ATG7: variants seen among roughly 807,000 people sequenced by gnomAD.
The protein encoded by ATG7 is autophagy related 7.
In ATG7, 70 loss-of-function variants were observed where a neutral mutation model predicts 82.4. The observed-to-expected ratio is 0.85, with a 90% CI of 0.70 to 1.04. The LOEUF is 1.04. ATG7 is among the 50% of genes least tolerant of loss of function. ATG7 has a pLI of 0.00. For missense variants in ATG7, 792 were observed against 864.3 expected (o/e 0.92, Z 1.05); for synonymous variants, 287 against 313.0 (o/e 0.92, Z 0.88).
intron 20 of ATG7, among the ~76,000 whole-genome samples, chr3:11,475,909 C>CA (rs1479988312): frequency 0.12 from 12,208 of 104,420 alleles, 807 homozygotes; most frequent in Admixed American, 0.25. Flanking sequence ...ACACACACAC[C>CA]CCCTCCCAGA....
At chr3:11,337,493 T>A (rs961681649) in intron 11 of ATG7, among the ~76,000 whole-genome samples, 26 of 140,774 alleles carry the variant, frequency 1.8e-4, no homozygotes, top group Admixed American at 2.7e-4. Context: ...TCTCTCTATA[T>A]ATATATATAT....
chr3:11,558,323 A>G (rs1416074511), downstream of ATG7: 2 of 675,010 alleles, frequency 3.0e-6, no homozygotes, highest in Non-Finnish European at 2.4e-6. Flanking sequence ...AGGATGCTAC[A>G]TTAGACAGAT....
At chr3:11,325,675 A>G (rs1950777344) in intron 9 of ATG7, among the ~76,000 whole-genome samples, 1 of 152,126 alleles carries the variant, frequency 6.6e-6, no homozygotes, top group South Asian at 2.1e-4. Flanking sequence ...ACATCTCAAA[A>G]AAAAAAAAAA....
rs1941436189 is a variant in ATG7, at chr3:11,275,161, TC to T, written c.-366+2732del. On this transcript the variant is annotated intron_variant, in intron 1 of 20. Coordinates refer to ENST00000693202, the MANE Select transcript of ATG7 (RefSeq NM_001349232.2). ...ATGAAACAGAAGAAGGGGACAAGAA[TC>T]AGGATCCTGATGACGGGAGGGCAGA... Among the ~76,000 whole-genome samples the T allele has an allele frequency of 2.0e-5, 3 of 152,208 alleles. No homozygotes were observed. The South Asian group carries it at 6.2e-4, about 32-fold the overall frequency.
intron 20 of ATG7, among the ~76,000 whole-genome samples, chr3:11,554,172 A>G (rs1288508642): frequency 6.6e-6 from 1 of 152,204 alleles, no homozygotes; most frequent in Non-Finnish European, 1.5e-5. Flanking sequence ...CCTGCTCCCC[A>G]GGTTCACTGC....
At chr3:11,382,442 C>T (rs1027582701) in intron 19 of ATG7, among the ~76,000 whole-genome samples, 9 of 152,086 alleles carry the variant, frequency 5.9e-5, no homozygotes, top group East Asian at 1.9e-4. Flanking sequence ...TGGCACATAA[C>T]GAGGTGAATT....
At chr3:11,364,844 C>T in intron 18 of ATG7, 110 bp downstream of exon 18, 1 of 1,149,338 alleles carries the variant, frequency 8.7e-7, no homozygotes, top group Non-Finnish European at 1.3e-6. Flanking sequence ...CCTACTTACC[C>T]TGCAGCTGGG....
At chr3:11,565,839 C>G in the ATG7 span, among the ~76,000 whole-genome samples, 2 of 152,216 alleles carry the variant, frequency 1.3e-5, no homozygotes, top group Non-Finnish European at 2.9e-5. The surrounding 1 kb of genome is among the most constrained non-coding windows in gnomAD (Gnocchi z 4.1). Context: ...CAACCCCACA[C>G]AGGTAAGCCA....
At chr3:11,284,877 T>C (rs1425121093) in intron 3 of ATG7, among the ~76,000 whole-genome samples, 6 of 150,206 alleles carry the variant, frequency 4.0e-5, no homozygotes, top group Non-Finnish European at 3.0e-5. Context: ...GACGGAGTCT[T>C]GCTCTGTCGC....
chr3:11,307,150 A>G (rs1335890401), intron 6 of ATG7, 90 bp downstream of exon 6: 6 of 1,195,646 alleles, frequency 5.0e-6, no homozygotes, highest in Admixed American at 1.8e-5. Flanking sequence ...TCTGCTGCAG[A>G]AACTGGCATA....
chr3:11,503,144 A>G lies in ATG7; in HGVS notation c.2080-51667A>G, dbSNP rs552657881. 3.3e-5 allele frequency among the ~76,000 whole-genome samples: 5 copies of G among 152,302 alleles called. No homozygotes were observed. The South Asian group carries it at 1.0e-3, about 32-fold the overall frequency. ...TTCTCCAGAGCCTCTGACCAGCTCAAAAGAGCAGTTGTCGGGGGCTCTTTG... is the reference window on the plus strand; with the variant it reads ...TTCTCCAGAGCCTCTGACCAGCTCAGAAGAGCAGTTGTCGGGGGCTCTTTG... On this transcript the variant is annotated intron_variant, in intron 20 of 20. Coordinates refer to ENST00000693202, the MANE Select transcript of ATG7 (RefSeq NM_001349232.2).
chr3:11,542,161 T>G (rs1318389946), intron 20 of ATG7, among the ~76,000 whole-genome samples: 1 of 152,246 alleles, frequency 6.6e-6, no homozygotes, highest in Non-Finnish European at 1.5e-5. Context: ...CCTCTGCATG[T>G]CACTTGGTAG....
chr3:11,331,329 T>C lies in ATG7; in HGVS notation c.679-11T>C, dbSNP rs1334849837. The C allele has an allele frequency of 6.3e-7, 1 of 1,599,348 alleles. No individual in the cohort carries two copies. The highest frequency in any genetic ancestry group is 8.6e-7 in the Non-Finnish European group (1 of 1,167,042). On this transcript the variant is annotated splice_polypyrimidine_tract_variant and intron_variant, in intron 9 of 20. Transcript: ENST00000693202. Reference sequence around the variant, plus strand: ...TACTCGACTTACTCAGAAAGTCTTTTTTGTTCACAGATAACAATTGGTGTA... The same window carrying C: ...TACTCGACTTACTCAGAAAGTCTTTCTTGTTCACAGATAACAATTGGTGTA...
chr3:11,324,223 C>T (rs937631853), intron 9 of ATG7, among the ~76,000 whole-genome samples: 9 of 152,198 alleles, frequency 5.9e-5, no homozygotes, highest in South Asian at 2.1e-4. Flanking sequence ...AGTTCTAAAA[C>T]CAGAACTCCT....
intron 19 of ATG7, among the ~76,000 whole-genome samples, chr3:11,404,171 C>T (rs896555136): frequency 9.7e-5 from 12 of 123,668 alleles, no homozygotes; most frequent in East Asian, 5.1e-4. Context: ...CTTGCTCTGT[C>T]GCCCAGACCG....
chr3:11,414,901 C>A (rs1178514039), intron 19 of ATG7, among the ~76,000 whole-genome samples: 1 of 152,200 alleles, frequency 6.6e-6, no homozygotes, highest in Admixed American at 6.5e-5. Flanking sequence ...TGGGATAAAT[C>A]CTACATGATC....
intron 19 of ATG7, among the ~76,000 whole-genome samples, chr3:11,420,917 G>A (rs1284367962): frequency 4.0e-5 from 6 of 151,840 alleles, no homozygotes; most frequent in East Asian, 1.9e-4. Flanking sequence ...CACCTTGTCC[G>A]GCTAATTTTT....
intron 20 of ATG7, among the ~76,000 whole-genome samples, chr3:11,442,183 A>G (rs1227659118): frequency 2.0e-5 from 3 of 152,278 alleles, no homozygotes; most frequent in African/African-American, 7.2e-5. Context: ...AAGTAATAGT[A>G]AGCCAAGCTC....
At chr3:11,554,554 A>G (rs932240420) in intron 20 of ATG7, among the ~76,000 whole-genome samples, 2 of 152,160 alleles carry the variant, frequency 1.3e-5, no homozygotes, top group African/African-American at 2.4e-5. Context: ...GACATGCAGG[A>G]GGTGAGCAGA....
Sources: gnomAD v4.1 joint callset for allele counts (sites outside exome capture counted in the v4.1 genomes callset) on GRCh38, gnomAD v4.1.1 for gene constraint, Gnocchi (gnomAD v3.1) non-coding constraint, MANE v1.5 for transcripts, NCBI Gene and HGNC (gene_info 2026-07-23, HGNC 2026-07-21) for gene names.